TEX10: variants seen among roughly 807,000 people sequenced by gnomAD.
TEX10 encodes the protein testis-expressed protein 10.
A neutral mutation model predicts 104.4 loss-of-function variants in TEX10; 24 were observed. The observed-to-expected ratio is 0.23, with a 90% confidence interval of 0.17 to 0.32. TEX10 has a LOEUF of 0.32. Among genes scored for constraint, TEX10 ranks in the 10% least tolerant of loss-of-function variants. TEX10 has a pLI of 1.00. For missense variants in TEX10, 921 were observed against 1,083.9 expected (o/e 0.85, Z 2.11); for synonymous variants, 396 against 393.4 (o/e 1.01, Z -0.08).
At chr9:100,303,557 C>A in intron 14 of TEX10, 75 bp downstream of exon 14, 1 of 1,513,664 alleles carries the variant, frequency 6.6e-7, no homozygotes, top group Non-Finnish European at 9.1e-7. Flanking sequence ...CCTCAAAACA[C>A]ACTTTCCCCC....
intron 5 of TEX10, among the ~76,000 whole-genome samples, chr9:100,339,022 G>C (rs1835087616): frequency 6.6e-6 from 1 of 151,822 alleles, no homozygotes. Context: ...GGGAGGCTGA[G>C]GTGGGCAGAT....
intron 5 of TEX10, among the ~76,000 whole-genome samples, chr9:100,334,167 A>C (rs1366852127): frequency 6.6e-6 from 1 of 152,122 alleles, no homozygotes. Flanking sequence ...ATATCCACTA[A>C]ATCCCAAGCA....
chr9:100,342,200 A>G (rs1308227946), intron 4 of TEX10, among the ~76,000 whole-genome samples: 1 of 152,230 alleles, frequency 6.6e-6, no homozygotes, highest in African/African-American at 2.4e-5. Flanking sequence ...CTTCAATGAC[A>G]TTCAGATATC....
chr9:100,339,393 C>T (rs1387826342), intron 5 of TEX10, among the ~76,000 whole-genome samples: 2 of 136,220 alleles, frequency 1.5e-5, no homozygotes, highest in Non-Finnish European at 3.0e-5. Flanking sequence ...TATAAAACTG[C>T]TTAGGAGGGC....
At chr9:100,337,066 A>C (rs1378851508) in intron 5 of TEX10, among the ~76,000 whole-genome samples, 1 of 152,184 alleles carries the variant, frequency 6.6e-6, no homozygotes, top group East Asian at 1.9e-4. Context: ...TCCTCCCCTC[A>C]TGAAAGATCA....
Position 100,330,095 on chromosome 9 carries a change from A to C in TEX10, c.1325T>G (p.Val442Gly), listed in dbSNP as rs757763657. The C allele has an allele frequency of 1.2e-6, 2 of 1,614,132 alleles. No homozygotes were observed. The highest frequency in any genetic ancestry group is 1.7e-6 in the Non-Finnish European group (2 of 1,180,004). ...LLNLTLSDIM[V>G]SLANASTLQK... ...CAAAGTTGACGCATTTGCCAGGGAGACCATGATATCAGACAGTGTTAAATT... is the reference window on the plus strand; with the variant it reads ...CAAAGTTGACGCATTTGCCAGGGAGCCCATGATATCAGACAGTGTTAAATT... Residue 442 changes from valine to glycine, a missense_variant, in exon 6 of 15, where the codon GTC becomes GGC. Around this residue, in one of 3 missense-constraint regions of TEX10, gnomAD observed 753 missense variants for 868.4 expected, o/e 0.87. Coordinates refer to ENST00000374902, the MANE Select transcript of TEX10 (RefSeq NM_017746.4).
At chr9:100,342,403 G>C (rs1167149739) in intron 4 of TEX10, among the ~76,000 whole-genome samples, 1 of 152,120 alleles carries the variant, frequency 6.6e-6, no homozygotes, top group Admixed American at 6.5e-5. Context: ...GTTTATCTCT[G>C]TAGCCCCAGA....
intron 1 of TEX10, among the ~76,000 whole-genome samples, chr9:100,352,112 C>G (rs2118952002): frequency 6.6e-6 from 1 of 152,308 alleles, no homozygotes; most frequent in East Asian, 1.9e-4. Flanking sequence ...CACCTTCTTA[C>G]CCTTCCTCAT....
chr9:100,319,173 C>G (rs1834501837), intron 11 of TEX10, among the ~76,000 whole-genome samples: 1 of 151,976 alleles, frequency 6.6e-6, no homozygotes, highest in Non-Finnish European at 1.5e-5. Context: ...GCCTGGGCGA[C>G]AAAAGCGAGA....
chr9:100,332,380 C>A (rs1263486104), intron 5 of TEX10, among the ~76,000 whole-genome samples: 3 of 152,192 alleles, frequency 2.0e-5, no homozygotes, highest in Non-Finnish European at 4.4e-5. Flanking sequence ...CAATGGACAT[C>A]TGCAAACTTG....
In TEX10 at chr9:100,330,030, C is replaced by G; in HGVS notation, c.1390G>C (p.Val464Leu). The stretch of plus-strand genomic sequence containing the variant: ...GAGCCATCTTCAAGGGTCTCTGTTA[C>G]AAATTTCCTTATCATTTCTATCCAA... ...CSWIEMIRKF[V>L]TETLEDGSRL... Residue 464 changes from valine to leucine, a missense_variant, in exon 6 of 15, where the codon GTA becomes CTA. Physicochemically the swap from Val to Leu is conservative, Grantham distance 32. Transcript: ENST00000374902. 6.2e-7 allele frequency: 1 copy of G among 1,614,132 alleles called. No homozygotes were observed. Among genetic ancestry groups the G allele is most frequent in the Non-Finnish European group, 8.5e-7 (1 of 1,180,008 alleles).
At chr9:100,343,562 AAAGT>A (rs1436962238) in intron 4 of TEX10, among the ~76,000 whole-genome samples, 2 of 152,058 alleles carry the variant, frequency 1.3e-5, no homozygotes, top group African/African-American at 4.8e-5. Flanking sequence ...ACTTCTTTTC[AAAGT>A]AAGGATCAAA....
intron 11 of TEX10, among the ~76,000 whole-genome samples, chr9:100,319,757 GATTGCACC>G (rs1471115756): frequency 6.6e-6 from 1 of 152,122 alleles, no homozygotes; most frequent in Non-Finnish European, 1.5e-5. Context: ...AGCAAGCAGA[GATTGCACC>G]ATTGCACTCT....
intron 5 of TEX10, among the ~76,000 whole-genome samples, chr9:100,337,946 T>C (rs914444238): frequency 6.6e-6 from 1 of 152,258 alleles, no homozygotes; most frequent in Admixed American, 6.5e-5. Context: ...CTAATGATAC[T>C]TTTATACTGC....
intron 5 of TEX10, among the ~76,000 whole-genome samples, chr9:100,338,213 G>C (rs1353464485): frequency 6.6e-6 from 1 of 152,194 alleles, no homozygotes; most frequent in Non-Finnish European, 1.5e-5. Context: ...ATTGCTGCCA[G>C]TGTTGATCGG....
At chr9:100,348,674 G>C (rs1835361243) in intron 2 of TEX10, among the ~76,000 whole-genome samples, 1 of 152,180 alleles carries the variant, frequency 6.6e-6, no homozygotes. Context: ...AGCACCTCAG[G>C]AGGCCTTGGC....
chr9:100,330,183 C>A lies in TEX10; in HGVS notation c.1251-14G>T. ...CAATGCTTGATGCTAGAAACAAAGA[C>A]ACACACATCTATAAAGCATTACGTC... On this transcript the variant is annotated splice_polypyrimidine_tract_variant and intron_variant, in intron 5 of 14. Transcript: ENST00000374902. The A allele has an allele frequency of 6.5e-7, 1 of 1,535,302 alleles. No individual in the cohort carries two copies.
At chr9:100,339,193 G>A (rs1477932404) in intron 5 of TEX10, among the ~76,000 whole-genome samples, 2 of 127,044 alleles carry the variant, frequency 1.6e-5, no homozygotes, top group African/African-American at 6.1e-5. Context: ...GGCAGAGGTT[G>A]CAGTAAGCTG....
intron 9 of TEX10, among the ~76,000 whole-genome samples, chr9:100,323,614 TAGAG>T (rs1834629897): frequency 6.6e-6 from 1 of 152,128 alleles, no homozygotes; most frequent in African/African-American, 2.4e-5. Flanking sequence ...GGTAAAAAGG[TAGAG>T]AGAGCAATTC....
Sources: allele counts gnomAD v4.1 joint callset (sites outside exome capture counted in the v4.1 genomes callset), GRCh38; gene constraint gnomAD v4.1.1; regional missense constraint gnomAD v4.1.1; transcripts MANE v1.5; gene names NCBI Gene and HGNC (gene_info 2026-07-23, HGNC 2026-07-21).